OR51B5: variants seen among roughly 807,000 people sequenced by gnomAD.
OR51B5 encodes olfactory receptor 51B5.
For missense variants in OR51B5, 456 were observed against 374.6 expected (o/e 1.22, Z -1.79); for synonymous variants, 186 against 144.8 (o/e 1.28, Z -2.04).
chr11:5,460,843 C>T (rs933255390), intron 1 of OR51B5, among the ~76,000 whole-genome samples: 2 of 152,164 alleles, frequency 1.3e-5, no homozygotes, highest in Non-Finnish European at 2.9e-5. Flanking sequence ...TTTCAAAGGG[C>T]CAAGGTTCAG....
chr11:5,438,568 C>T lies in OR51B5; in HGVS notation n.84+67001G>A, dbSNP rs547138760. Among the ~76,000 whole-genome samples, 10 of 152,302 alleles carry T rather than the reference C, an allele frequency of 6.6e-5. No individual in the cohort carries two copies. The South Asian group carries it at 1.9e-3, about 28-fold the overall frequency. On this transcript the variant is annotated intron_variant and non_coding_transcript_variant, in intron 1 of 4. Coordinates refer to the OR51B5 transcript ENST00000415970. ...GCTGAGTGCAGAGTTTTAGCTTGGA[C>T]TGCCATTATCTATTGCTCTTTTTTA...
chr11:5,352,877 G>T (rs1182546457), intron 1 of OR51B5, among the ~76,000 whole-genome samples: 2 of 145,334 alleles, frequency 1.4e-5, no homozygotes, highest in Admixed American at 1.4e-4. Flanking sequence ...ATCTGTGTGT[G>T]TTTATATATA....
Position 5,489,516 on chromosome 11 carries a change from C to T in OR51B5, n.84+16053G>A, listed in dbSNP as rs376693291. The T allele has an allele frequency of 2.6e-5, 42 of 1,613,934 alleles. No homozygotes were observed. In the African/African-American group the frequency reaches 4.0e-4, roughly 15 times the overall value. On this transcript the variant is annotated intron_variant and non_coding_transcript_variant, in intron 1 of 4. Transcript: ENST00000415970. Reference sequence around the variant, plus strand: ...TCCTCACCCACCGCTTTGGTCACCACGAAGTCCCCAAGCATGTGCACATCT... The same window carrying T: ...TCCTCACCCACCGCTTTGGTCACCATGAAGTCCCCAAGCATGTGCACATCT...
chr11:5,472,863 G>A (rs976343698), intron 1 of OR51B5, among the ~76,000 whole-genome samples: 2 of 152,136 alleles, frequency 1.3e-5, no homozygotes, highest in African/African-American at 4.8e-5. Flanking sequence ...AAGTCAAAGG[G>A]CACAACGGAG....
At chr11:5,453,484 T>C (rs1177027331) in intron 1 of OR51B5, 1 of 1,510,158 alleles carries the variant, frequency 6.6e-7, no homozygotes, top group African/African-American at 1.4e-5. Flanking sequence ...TAAGTTTGTT[T>C]TGCTATGGGG....
intron 1 of OR51B5, among the ~76,000 whole-genome samples, chr11:5,496,801 T>C (rs991282417): frequency 1.3e-5 from 2 of 152,226 alleles, no homozygotes; most frequent in African/African-American, 2.4e-5. Context: ...TAGGCTGCAG[T>C]AGACGTACGT....
intron 1 of OR51B5, among the ~76,000 whole-genome samples, chr11:5,492,233 AACAC>A (rs528322904): frequency 9.2e-5 from 14 of 151,904 alleles, no homozygotes; most frequent in African/African-American, 3.4e-4. Flanking sequence ...TCACAAAATA[AACAC>A]ACACACACAC....
At chr11:5,460,901 A>G (rs7929367) in intron 1 of OR51B5, among the ~76,000 whole-genome samples, 6,285 of 152,312 alleles carry the variant, frequency 0.041, 432 homozygotes, top group African/African-American at 0.14. Context: ...TCTGGGACCA[A>G]GCCTCTGGCT....
chr11:5,442,707 G>A (rs993426519), intron 1 of OR51B5, among the ~76,000 whole-genome samples: 4 of 151,998 alleles, frequency 2.6e-5, no homozygotes, highest in Non-Finnish European at 5.9e-5. Context: ...CTTCGATGTC[G>A]GGATTCAATC....
chr11:5,350,987 T>C (rs1439492041), intron 1 of OR51B5, among the ~76,000 whole-genome samples: 1 of 152,212 alleles, frequency 6.6e-6, no homozygotes, highest in Non-Finnish European at 1.5e-5. Flanking sequence ...CTTACTTGTG[T>C]ATTTGTTTTT....
chr11:5,434,676 G>A (rs1019285372), intron 1 of OR51B5, among the ~76,000 whole-genome samples: 6 of 152,174 alleles, frequency 3.9e-5, no homozygotes, highest in African/African-American at 9.6e-5. Context: ...GATTGGCAAC[G>A]TCAAGGAGAC....
intron 1 of OR51B5, chr11:5,453,444 A>C: frequency 2.1e-6 from 3 of 1,403,156 alleles, no homozygotes; most frequent in Middle Eastern, 1.8e-4. Context: ...GAATTCTCCA[A>C]GTCAGAAGAT....
chr11:5,388,451 G>A (rs748154402), intron 1 of OR51B5, among the ~76,000 whole-genome samples: 3 of 151,138 alleles, frequency 2.0e-5, no homozygotes, highest in Non-Finnish European at 4.4e-5. Flanking sequence ...GGTTATATTA[G>A]TAGAAGTTAA....
chr11:5,425,648 T>C (rs952982135), intron 1 of OR51B5, among the ~76,000 whole-genome samples: 1 of 152,232 alleles, frequency 6.6e-6, no homozygotes, highest in African/African-American at 2.4e-5. Context: ...ATTGGGTACC[T>C]AAAACGCAAA....
chr11:5,361,224 A>G (rs1240236851), intron 1 of OR51B5, among the ~76,000 whole-genome samples: 1 of 152,222 alleles, frequency 6.6e-6, no homozygotes, highest in African/African-American at 2.4e-5. Flanking sequence ...GATGCTTAAA[A>G]TAAATCTTAT....
intron 1 of OR51B5, among the ~76,000 whole-genome samples, chr11:5,350,984 G>A (rs1294510481): frequency 2.0e-5 from 3 of 152,054 alleles, no homozygotes; most frequent in Non-Finnish European, 4.4e-5. Flanking sequence ...TTTCTTACTT[G>A]TGTATTTGTT....
chr11:5,471,964 T>C (rs1383180985), intron 1 of OR51B5, among the ~76,000 whole-genome samples: 1 of 152,156 alleles, frequency 6.6e-6, no homozygotes, highest in Non-Finnish European at 1.5e-5. Flanking sequence ...GGGCTGAAAG[T>C]TCCGGATCCC....
chr11:5,447,503 T>G (rs1345445546), intron 1 of OR51B5, among the ~76,000 whole-genome samples: 1 of 152,204 alleles, frequency 6.6e-6, no homozygotes, highest in East Asian at 1.9e-4. Context: ...AGTTCCTCAT[T>G]TCTTTTGAAA....
chr11:5,489,239 C>T (rs1373451722), intron 1 of OR51B5: 10 of 1,613,894 alleles, frequency 6.2e-6, no homozygotes, highest in Non-Finnish European at 8.5e-6. Flanking sequence ...CGTGTCATGA[C>T]ACACACATAC....
Sources: allele counts gnomAD v4.1 joint callset (sites outside exome capture counted in the v4.1 genomes callset), GRCh38; gene constraint gnomAD v4.1.1; transcripts MANE v1.5; gene names NCBI Gene and HGNC (gene_info 2026-07-23, HGNC 2026-07-21).